GPR15LG: variants seen among roughly 807,000 people sequenced by gnomAD.
The protein encoded by GPR15LG is G protein-coupled receptor 15 ligand.
At chr10:84,176,583 C>T in the GPR15LG span, 1 of 1,601,656 alleles carries the variant, frequency 6.2e-7, no homozygotes. Context: ...AGTACCCCCA[C>T]CTCGTCCAGA....
At chr10:84,181,405 A>G in the GPR15LG span, among the ~76,000 whole-genome samples, 7 of 151,094 alleles carry the variant, frequency 4.6e-5, no homozygotes, top group East Asian at 2.0e-4. Flanking sequence ...ATTTATAGCA[A>G]TCTGTATAGC....
the GPR15LG span, among the ~76,000 whole-genome samples, chr10:84,181,556 G>A: frequency 6.6e-6 from 1 of 152,124 alleles, no homozygotes; most frequent in African/African-American, 2.4e-5. Flanking sequence ...CCAGTAGCTG[G>A]GACTACAGAT....
the GPR15LG span, among the ~76,000 whole-genome samples, chr10:84,178,423 CACA>C: frequency 6.6e-6 from 1 of 151,770 alleles, no homozygotes; most frequent in African/African-American, 2.4e-5. Context: ...ACACATACCA[CACA>C]ACTATACACA....
At chr10:84,179,486 G>T in the GPR15LG span, among the ~76,000 whole-genome samples, 1 of 152,226 alleles carries the variant, frequency 6.6e-6, no homozygotes, top group Non-Finnish European at 1.5e-5. Context: ...AGATGAATCA[G>T]TGTTCCCAGG....
the GPR15LG span, among the ~76,000 whole-genome samples, chr10:84,181,028 C>T: frequency 4.6e-5 from 7 of 151,910 alleles, no homozygotes; most frequent in African/African-American, 1.2e-4. Flanking sequence ...TGAGCCAAGA[C>T]GGCGGCAGTA....
At chr10:84,180,547 C>G in the GPR15LG span, among the ~76,000 whole-genome samples, 1 of 151,614 alleles carries the variant, frequency 6.6e-6, no homozygotes, top group African/African-American at 2.4e-5. Context: ...GGCAGAGACG[C>G]TCCTCACTTC....
the GPR15LG span, among the ~76,000 whole-genome samples, chr10:84,178,350 C>T: frequency 1.1e-4 from 16 of 152,016 alleles, no homozygotes; most frequent in South Asian, 6.2e-4. Context: ...CACATAGACA[C>T]ATGCACACAG....
At chr10:84,176,587 G>A in the GPR15LG span, 25 of 1,584,866 alleles carry the variant, frequency 1.6e-5, no homozygotes, top group East Asian at 1.6e-4. Flanking sequence ...CCCCCACCTC[G>A]TCCAGACTGT....
chr10:84,178,457 C>T, the GPR15LG span, among the ~76,000 whole-genome samples: 1 of 151,762 alleles, frequency 6.6e-6, no homozygotes, highest in African/African-American at 2.4e-5. Context: ...TAAATACATA[C>T]ACACAAATAC....
At chr10:84,178,527 C>G in the GPR15LG span, among the ~76,000 whole-genome samples, 139 of 151,970 alleles carry the variant, frequency 9.1e-4, 1 homozygote, top group Non-Finnish European at 5.0e-4. Context: ...CACAGACACA[C>G]ACCACAATAC....
At chr10:84,184,716 G>T in the GPR15LG span, 1 of 1,613,896 alleles carries the variant, frequency 6.2e-7, no homozygotes, top group Non-Finnish European at 8.5e-7. Context: ...ATGCAAGCTT[G>T]AGCCAGAGCC....
chr10:84,180,843 G>A, the GPR15LG span, among the ~76,000 whole-genome samples: 67 of 152,348 alleles, frequency 4.4e-4, no homozygotes, highest in African/African-American at 1.3e-3. Flanking sequence ...CCGGCACCTC[G>A]GGAGGCCGAG....
the GPR15LG span, chr10:84,176,562 C>T: frequency 1.9e-6 from 3 of 1,613,446 alleles, no homozygotes; most frequent in African/African-American, 1.3e-5. Context: ...ACTCAACAAA[C>T]CTGAAAGGTA....
chr10:84,174,494 CTTTT>C, the GPR15LG span, among the ~76,000 whole-genome samples: 1 of 98,738 alleles, frequency 1.0e-5, no homozygotes, highest in Non-Finnish European at 2.0e-5. Flanking sequence ...TTTCTTTTTT[CTTTT>C]TTTTTTTTTT....
the GPR15LG span, among the ~76,000 whole-genome samples, chr10:84,181,721 A>G: frequency 6.6e-6 from 1 of 152,184 alleles, no homozygotes. Flanking sequence ...GAGCCACTGC[A>G]TCTGGCCCAG....
the GPR15LG span, among the ~76,000 whole-genome samples, chr10:84,176,863 G>T: frequency 5.3e-5 from 8 of 152,160 alleles, no homozygotes; most frequent in Non-Finnish European, 1.0e-4. Flanking sequence ...ATGAGACCTG[G>T]CTCATTTATG....
At chr10:84,176,222 A>G in the GPR15LG span, among the ~76,000 whole-genome samples, 1 of 152,178 alleles carries the variant, frequency 6.6e-6, no homozygotes, top group African/African-American at 2.4e-5. Flanking sequence ...TGCCAAGGGG[A>G]GAATTATTAT....
chr10:84,183,426 C>T, the GPR15LG span, among the ~76,000 whole-genome samples: 2 of 152,168 alleles, frequency 1.3e-5, no homozygotes, highest in African/African-American at 4.8e-5. Flanking sequence ...ATGACCATAA[C>T]TTAGTAACCC....
the GPR15LG span, among the ~76,000 whole-genome samples, chr10:84,174,500 T>TC: frequency 1.2e-4 from 18 of 145,624 alleles, no homozygotes; most frequent in African/African-American, 4.6e-4. Context: ...TTTTCTTTTT[T>TC]TTTTTTTTTT....
Sources: allele counts gnomAD v4.1 joint callset (sites outside exome capture counted in the v4.1 genomes callset), GRCh38; gene constraint gnomAD v4.1.1; transcripts MANE v1.5; gene names NCBI Gene and HGNC (gene_info 2026-07-23, HGNC 2026-07-21).